The following WWOX variants were observed in gnomAD, a reference collection of about 807,000 sequenced individuals.
WWOX encodes the protein WW domain-containing oxidoreductase.
A neutral mutation model predicts 46.2 loss-of-function variants in WWOX; 69 were observed. That is an observed-to-expected ratio of 1.49 (90% CI 1.23 to 1.82). The LOEUF is 1.82. Ranked by LOEUF, WWOX falls within the 40% of genes most tolerant of loss-of-function variation. The pLI is 0.00. For missense variants in WWOX, 919 were observed against 542.6 expected (o/e 1.69, Z -6.89); for synonymous variants, 359 against 202.6 (o/e 1.77, Z -6.56).
chr16:78,278,457 G>A, intron 5 of WWOX: 4 of 722,558 alleles, frequency 5.5e-6, no homozygotes, highest in South Asian at 1.9e-5. Context: ...CAATTAAATA[G>A]GAGGTGTTGG....
At chr16:78,742,134 C>A (rs57015613) in intron 8 of WWOX, among the ~76,000 whole-genome samples, 1 of 152,154 alleles carries the variant, frequency 6.6e-6, no homozygotes, top group Non-Finnish European at 1.5e-5. Flanking sequence ...ATTTAAATGT[C>A]TTTTCCTTGC....
At chr16:78,229,607 G>A (rs1433014844) in intron 5 of WWOX, among the ~76,000 whole-genome samples, 1 of 151,580 alleles carries the variant, frequency 6.6e-6, no homozygotes, top group African/African-American at 2.4e-5. Flanking sequence ...TTGAGGCGAT[G>A]GTAGTTTCTG....
At chr16:78,811,622 C>T (rs1470466968) in intron 8 of WWOX, among the ~76,000 whole-genome samples, 2 of 152,068 alleles carry the variant, frequency 1.3e-5, no homozygotes, top group Non-Finnish European at 2.9e-5. Context: ...CCACCTGCCT[C>T]AGTCTCCCAA....
chr16:78,182,459 C>T (rs1205817545), intron 5 of WWOX, among the ~76,000 whole-genome samples: 1 of 151,984 alleles, frequency 6.6e-6, no homozygotes, highest in Non-Finnish European at 1.5e-5. Context: ...GGAAGGGTCT[C>T]AGCTAAGCTT....
chr16:79,075,741 T>TG (rs760869623), intron 8 of WWOX, among the ~76,000 whole-genome samples: 12 of 152,052 alleles, frequency 7.9e-5, no homozygotes, highest in Non-Finnish European at 1.2e-4. Flanking sequence ...TTAGTAGAGA[T>TG]GGGGTCTCAT....
In WWOX at chr16:78,212,959, A is replaced by G. The variant is rs1221058620; in HGVS notation, c.516+48670A>G. Among the ~76,000 whole-genome samples the G allele has an allele frequency of 4.6e-5, 7 of 152,110 alleles. No individual in the cohort carries two copies. The East Asian group carries it at 1.4e-3, about 29-fold the overall frequency. ...GATGGGAGGTAAGGGGCTGTGCTTT[A>G]AAGTCATTCATGGATCTGGCTGGGC... On this transcript the variant is annotated intron_variant, in intron 5 of 8. Coordinates refer to ENST00000566780, the MANE Select transcript of WWOX (RefSeq NM_016373.4).
chr16:79,055,467 C>T (rs564522350), intron 8 of WWOX, among the ~76,000 whole-genome samples: 1 of 152,084 alleles, frequency 6.6e-6, no homozygotes, highest in South Asian at 2.1e-4. Flanking sequence ...GCCCAGCTAG[C>T]CATGTGGAGA....
intron 8 of WWOX, among the ~76,000 whole-genome samples, chr16:78,516,332 G>A (rs1302775213): frequency 1.3e-5 from 2 of 152,078 alleles, no homozygotes; most frequent in East Asian, 1.9e-4. Context: ...TTCCCTGGAC[G>A]GTCACAAACA....
At chr16:79,104,057 G>A (rs2049259236) in intron 8 of WWOX, among the ~76,000 whole-genome samples, 1 of 109,718 alleles carries the variant, frequency 9.1e-6, no homozygotes, top group Admixed American at 9.7e-5. Flanking sequence ...GGGGCGGGTG[G>A]TGGGGGTACT....
At chr16:78,651,057 G>T (rs892194257) in intron 8 of WWOX, among the ~76,000 whole-genome samples, 5 of 152,202 alleles carry the variant, frequency 3.3e-5, no homozygotes, top group African/African-American at 1.2e-4. Flanking sequence ...TGAAGCCATT[G>T]CCCATCTGTT....
chr16:78,645,651 A>G (rs2046822451), intron 8 of WWOX, among the ~76,000 whole-genome samples: 1 of 151,910 alleles, frequency 6.6e-6, no homozygotes, highest in Admixed American at 6.6e-5. Flanking sequence ...AAAAGAACCA[A>G]CTCTCTGGGA....
chr16:78,757,070 A>T, intron 8 of WWOX: 1 of 700,546 alleles, frequency 1.4e-6, no homozygotes, highest in East Asian at 2.7e-5. Flanking sequence ...CCTTGAGGTG[A>T]TTGCAGCCTT....
intron 8 of WWOX, among the ~76,000 whole-genome samples, chr16:78,772,120 G>A (rs1754544313): frequency 6.6e-6 from 1 of 152,082 alleles, no homozygotes; most frequent in African/African-American, 2.4e-5. Context: ...AAGGTTTGTT[G>A]AACAGATTAT....
chr16:78,902,428 C>G (rs1037749885), intron 8 of WWOX, among the ~76,000 whole-genome samples: 1 of 152,216 alleles, frequency 6.6e-6, no homozygotes, highest in African/African-American at 2.4e-5. Flanking sequence ...AGCAGCGCCA[C>G]GCGGGGCGGG....
chr16:78,713,440 C>G (rs1014535568), intron 8 of WWOX, among the ~76,000 whole-genome samples: 1 of 152,012 alleles, frequency 6.6e-6, no homozygotes, highest in Non-Finnish European at 1.5e-5. Context: ...AATTATGTGT[C>G]CCCAAAATTC....
chr16:78,857,736 G>C (rs2052599906), intron 8 of WWOX, among the ~76,000 whole-genome samples: 1 of 152,060 alleles, frequency 6.6e-6, no homozygotes, highest in African/African-American at 2.4e-5. Flanking sequence ...ATAAAACTTT[G>C]ACTCATGCTC....
chr16:79,149,342 T>G (rs560945298), intron 8 of WWOX, among the ~76,000 whole-genome samples: 1 of 152,354 alleles, frequency 6.6e-6, no homozygotes, highest in African/African-American at 2.4e-5. Flanking sequence ...TATATTGATT[T>G]TAAATATTGA....
intron 8 of WWOX, among the ~76,000 whole-genome samples, chr16:78,557,559 C>T (rs2044330510): frequency 6.6e-6 from 1 of 152,090 alleles, no homozygotes; most frequent in South Asian, 2.1e-4. Context: ...TTTGAGTTTC[C>T]AAGAAGGGAG....
At chr16:78,582,659 G>A (rs1009879069) in intron 8 of WWOX, among the ~76,000 whole-genome samples, 8 of 152,082 alleles carry the variant, frequency 5.3e-5, no homozygotes, top group African/African-American at 1.2e-4. Flanking sequence ...CTCTATCTCC[G>A]CTTAGTCATT....
Sources: gnomAD v4.1 joint callset for allele counts (sites outside exome capture counted in the v4.1 genomes callset) on GRCh38, gnomAD v4.1.1 for gene constraint, MANE v1.5 for transcripts, NCBI Gene and HGNC (gene_info 2026-07-23, HGNC 2026-07-21) for gene names.